LRRK2: variants seen among roughly 807,000 people sequenced by gnomAD.
LRRK2 encodes leucine rich repeat kinase 2.
LRRK2 carries 203 observed loss-of-function variants against 302.6 expected under a neutral mutation model. The ratio of observed to expected loss-of-function variants is 0.67; its 90% CI spans 0.60 to 0.75. LRRK2 has a LOEUF of 0.75. Ranked by LOEUF, LRRK2 falls within the 30% of genes least tolerant of loss-of-function variation. The pLI is 0.00. For synonymous variants in LRRK2, 1,066 were observed against 1,031.9 expected, an observed-to-expected ratio of 1.03 and a Z score of -0.63; for missense variants, 2,830 against 2,951.0, an observed-to-expected ratio of 0.96 and a Z score of 0.95.
intron 2 of LRRK2, among the ~76,000 whole-genome samples, chr12:40,227,296 T>A (rs1940947013): frequency 6.6e-6 from 1 of 152,200 alleles, no homozygotes; most frequent in South Asian, 2.1e-4. Flanking sequence ...CTCGAACATT[T>A]TTCTTTGTGT....
intron 39 of LRRK2, among the ~76,000 whole-genome samples, chr12:40,333,743 G>A (rs866672597): frequency 6.6e-6 from 1 of 152,030 alleles, no homozygotes; most frequent in Non-Finnish European, 1.5e-5. Context: ...GCCCATGGCG[G>A]GCCTCTCTGA....
intron 34 of LRRK2, among the ~76,000 whole-genome samples, 186 bp downstream of exon 34, chr12:40,320,361 A>G (rs1406306594): frequency 2.6e-5 from 4 of 152,094 alleles, no homozygotes; most frequent in Admixed American, 6.6e-5. Flanking sequence ...CACTTTAACA[A>G]TATAGTAAAT....
chr12:40,246,877 C>G (rs1187528921), intron 7 of LRRK2, among the ~76,000 whole-genome samples: 1 of 152,100 alleles, frequency 6.6e-6, no homozygotes, highest in Admixed American at 6.6e-5. Context: ...TTTTTGAACT[C>G]CCTCTGCCCC....
rs1410295938 is a variant in LRRK2, at chr12:40,302,760, A to C, written c.3497-29A>C. ...AATGGAAATCTGGTTAAAATGATTA[A>C]AATGTTTATCTCATTTTTTTTCTTT... On this transcript the variant is annotated intron_variant, in intron 25 of 50. Coordinates refer to ENST00000298910, the MANE Select transcript of LRRK2 (RefSeq NM_198578.4). The C allele has an allele frequency of 2.8e-6, 4 of 1,414,892 alleles. No homozygotes were observed. In the African/African-American group the frequency reaches 5.6e-5, roughly 20 times the overall value. The allele number at this position is 1,414,892 out of a possible 1,614,324, so 87.6% of individuals were successfully genotyped here.
At position 40,363,022 on chromosome 12, in the gene LRRK2, ATGAAACAAAGT is replaced by A. The variant is rs1946760500; in HGVS notation, c.7029-378_7029-368del. Among the ~76,000 whole-genome samples, 3 of 152,192 alleles carry A rather than the reference ATGAAACAAAGT, an allele frequency of 2.0e-5. No homozygotes were observed. In the South Asian group the frequency reaches 6.2e-4, roughly 31 times the overall value. On this transcript the variant is annotated intron_variant, in intron 47 of 50. Transcript: ENST00000298910. ...CTAACACTTAATTTTCTGAGCATTC[ATGAAACAAAGT>A]TTTGCAAGAACATTCAAAAGTTACA... is the stretch of plus-strand genomic sequence containing the variant.
At chr12:40,305,728 G>A (rs1944794125) in intron 27 of LRRK2, 57 bp from the exon 28 acceptor site, 1 of 1,481,670 alleles carries the variant, frequency 6.7e-7, no homozygotes, top group Non-Finnish European at 9.4e-7. Context: ...ACGTTTTTTG[G>A]CAGAGCACAT....
rs747881946 is a variant in LRRK2, at chr12:40,305,767, CT to C, written c.3778-10del. 33 of 1,610,542 alleles carry C rather than the reference CT, an allele frequency of 2.0e-5. No individual in the cohort carries two copies. The highest frequency in any genetic ancestry group is 3.3e-5 in the Admixed American group (2 of 59,898). On this transcript the variant is annotated splice_polypyrimidine_tract_variant and intron_variant, in intron 27 of 50. Transcript: ENST00000298910. ...TTCCTTCCCACCAACAGGTTTTGCC[CT>C]TTTTTTTCCCATTAAGATTCCTCCT...
chr12:40,317,085 C>T (rs1162604461), intron 33 of LRRK2, among the ~76,000 whole-genome samples: 1 of 151,974 alleles, frequency 6.6e-6, no homozygotes, highest in Non-Finnish European at 1.5e-5. Flanking sequence ...CAGATTTTCA[C>T]TATGACTGCA....
rs1943459417 is a variant in LRRK2 at position 40,276,501 on chromosome 12, G to A, written c.1942-1387G>A. Among the ~76,000 whole-genome samples the A allele has an allele frequency of 2.0e-5, 3 of 152,218 alleles. No individual in the cohort carries two copies. The Middle Eastern group carries it at 0.01, about 518-fold the overall frequency. ...AGCTGAGATGGGGTTTCGCCGTGTT[G>A]GCCAGGCTGGTCTCAAACTCCTGAC... On this transcript the variant is annotated intron_variant, in intron 16 of 50. Coordinates refer to ENST00000298910, the MANE Select transcript of LRRK2 (RefSeq NM_198578.4).
At chr12:40,313,781 C>G (rs1945112139) in intron 31 of LRRK2, among the ~76,000 whole-genome samples, 191 bp from the exon 32 acceptor site, 1 of 151,596 alleles carries the variant, frequency 6.6e-6, no homozygotes, top group Admixed American at 6.6e-5. Context: ...CAACAATTTT[C>G]CTATTTTAAT....
intron 46 of LRRK2, among the ~76,000 whole-genome samples, chr12:40,357,900 G>A (rs1946589735): frequency 2.6e-5 from 4 of 151,194 alleles, no homozygotes; most frequent in Admixed American, 2.6e-4. Flanking sequence ...AGCTTCACGA[G>A]TAGCTGGGAC....
Position 40,298,349 on chromosome 12 carries a change from A to G in LRRK2, c.3203A>G (p.Asn1068Ser). 5 of 1,613,984 alleles carry G rather than the reference A, an allele frequency of 3.1e-6. No homozygotes were observed. The highest frequency in any genetic ancestry group is 4.2e-6 in the Non-Finnish European group (5 of 1,179,980). The change falls in exon 24 of 51, where the codon AAT (asparagine) becomes AGT (serine). Residue 1068 changes from asparagine (N) to serine (S), a missense_variant. Asn to Ser is a conservative substitution (Grantham distance 46). Around this residue, in one of 3 missense-constraint regions of LRRK2, gnomAD observed 2,121 missense variants for 2,148.0 expected, o/e 0.99. Coordinates refer to ENST00000298910, the MANE Select transcript of LRRK2 (RefSeq NM_198578.4). ...ATTGCTAATCTTGATGTCTCTCGAA[A>G]TGACATTGGACCCTCAGTGGTTTTA... is the stretch of plus-strand genomic sequence containing the variant. ...SCIANLDVSR[N>S]DIGPSVVLDP...
chr12:40,289,414 A>T (rs1209381380), intron 20 of LRRK2, among the ~76,000 whole-genome samples: 2 of 151,404 alleles, frequency 1.3e-5, no homozygotes, highest in African/African-American at 4.8e-5. Context: ...ATAAATTTTT[A>T]ATCAACTAAC....
At chr12:40,262,241 G>T (rs755786851) in intron 13 of LRRK2, among the ~76,000 whole-genome samples, 7 of 152,058 alleles carry the variant, frequency 4.6e-5, no homozygotes, top group Non-Finnish European at 8.8e-5. Flanking sequence ...CAAACAATAT[G>T]GAGGACTTAA....
In LRRK2 at chr12:40,348,803, T is replaced by A. The variant is rs534855780; in HGVS notation, c.6381+294T>A. Among the ~76,000 whole-genome samples the A allele has an allele frequency of 4.7e-4, 72 of 152,124 alleles. No homozygotes were observed. In the South Asian group the frequency reaches 5.8e-3, roughly 12 times the overall value. ...GCCTACAAATCAAATCAGAAAAAAA[T>A]TTTTATATATAACATACTAATCCTT... On this transcript the variant is annotated intron_variant, in intron 43 of 50. Coordinates refer to ENST00000298910, the MANE Select transcript of LRRK2 (RefSeq NM_198578.4).
intron 49 of LRRK2, 59 bp from the exon 50 acceptor site, chr12:40,366,947 T>A: frequency 3.0e-6 from 4 of 1,326,738 alleles, no homozygotes; most frequent in Non-Finnish European, 4.3e-6. Context: ...TTACTTTTTT[T>A]TCAGGCCAGT....
chr12:40,354,281 ATTTTC>A lies in LRRK2; in HGVS notation c.6577-10_6577-6del, dbSNP rs770192903. On this transcript the variant is annotated splice_polypyrimidine_tract_variant and intron_variant, in intron 44 of 50. Transcript: ENST00000298910. ...GCTTAAATCAAATCCTGCTAAGTAT[ATTTTC>A]TTTTCTTAACAGGAAGTTGCTGATA... 1 of 1,608,516 alleles carries A rather than the reference ATTTTC, an allele frequency of 6.2e-7. No individual in the cohort carries two copies. Among genetic ancestry groups the A allele is most frequent in the Non-Finnish European group, 8.5e-7 (1 of 1,175,670 alleles).
At chr12:40,309,394 G>A (rs1233589694) in intron 30 of LRRK2, among the ~76,000 whole-genome samples, 161 bp downstream of exon 30, 5 of 152,050 alleles carry the variant, frequency 3.3e-5, no homozygotes, top group Non-Finnish European at 5.9e-5. Context: ...GAAACTTTCC[G>A]AGTAATGAAG....
At chr12:40,235,910 T>A (rs1202725114) in intron 4 of LRRK2, among the ~76,000 whole-genome samples, 196 bp downstream of exon 4, 1 of 151,548 alleles carries the variant, frequency 6.6e-6, no homozygotes, top group Admixed American at 6.6e-5. Flanking sequence ...TAAATATCAG[T>A]TATTTCCAAA....
Sources: allele counts gnomAD v4.1 joint callset (sites outside exome capture counted in the v4.1 genomes callset), GRCh38; gene constraint gnomAD v4.1.1; regional missense constraint gnomAD v4.1.1; transcripts MANE v1.5; gene names NCBI Gene and HGNC (gene_info 2026-07-23, HGNC 2026-07-21).